SHC4: variants seen among roughly 807,000 people sequenced by gnomAD.
The protein encoded by SHC4 is SHC adaptor protein 4, also known as SHC-transforming protein 4.
A neutral mutation model predicts 69.4 loss-of-function variants in SHC4; 41 were observed. The observed-to-expected ratio is 0.59, with a 90% CI of 0.46 to 0.77. The LOEUF (loss-of-function observed/expected upper bound fraction) is 0.77, where lower values mean the gene tolerates loss of function less well. Among genes scored for constraint, SHC4 ranks in the 30% least tolerant of loss-of-function variants. The pLI is 0.00. For synonymous variants in SHC4, 318 were observed against 299.3 expected, an observed-to-expected ratio of 1.06 and a Z score of -0.64; for missense variants, 777 against 783.8, an observed-to-expected ratio of 0.99 and a Z score of 0.10.
At position 48,918,738 on chromosome 15, in the gene SHC4, T is replaced by C. The variant is rs531367585; in HGVS notation, c.656+6141A>G. On this transcript the variant is annotated intron_variant, in intron 2 of 11. Transcript: ENST00000332408. ...AGTAATTTATTTCCATACAAAACGT[T>C]ATTTGAAACACCAAGGAATTCACCA... Among the ~76,000 whole-genome samples, 7 of 152,350 alleles carry C rather than the reference T, an allele frequency of 4.6e-5. No homozygotes were observed. In the South Asian group the frequency reaches 1.4e-3, roughly 32 times the overall value.
intron 11 of SHC4, among the ~76,000 whole-genome samples, chr15:48,826,737 G>T (rs979810202): frequency 6.6e-6 from 1 of 152,148 alleles, no homozygotes; most frequent in Non-Finnish European, 1.5e-5. Context: ...TCCCAGGATT[G>T]TAATTATCTT....
intron 2 of SHC4, among the ~76,000 whole-genome samples, chr15:48,898,572 T>C (rs933918152): frequency 3.0e-4 from 45 of 152,214 alleles, no homozygotes; most frequent in Admixed American, 2.9e-3. Flanking sequence ...TCAGCAACCA[T>C]AGGAAATGGG....
intron 2 of SHC4, among the ~76,000 whole-genome samples, chr15:48,895,474 C>T (rs1397717742): frequency 6.6e-6 from 1 of 152,094 alleles, no homozygotes; most frequent in Non-Finnish European, 1.5e-5. Flanking sequence ...CGTTAATACC[C>T]GCGTGGCTGG....
chr15:48,924,978 T>G, intron 1 of SHC4, 29 bp from the exon 2 acceptor site: 1 of 1,611,852 alleles, frequency 6.2e-7, no homozygotes, highest in Non-Finnish European at 8.5e-7. Context: ...AAAGAAGAAG[T>G]AGGACAAAAA....
In SHC4 at chr15:48,843,482, A is replaced by T. The variant is rs751053177; in HGVS notation, c.1410T>A (p.Ala470=). The T allele has an allele frequency of 1.2e-6, 2 of 1,614,094 alleles. No individual in the cohort carries two copies. Among genetic ancestry groups the T allele is most frequent in the South Asian group, 2.2e-5 (2 of 91,080 alleles). The change falls in exon 10 of 12, where the codon GCT becomes GCA. Residue 470 remains alanine, a synonymous_variant. Coordinates refer to ENST00000332408, the MANE Select transcript of SHC4 (RefSeq NM_203349.4). ...FDDPCYINTQ[A]LQSTPGSAGN... ...CAGCAGAGCCAGGTGTACTTTGAAG[A>T]GCCTGTGTATTAATGTAGCAGGGGT... is the stretch of plus-strand genomic sequence containing the variant.
intron 3 of SHC4, among the ~76,000 whole-genome samples, 197 bp downstream of exon 3, chr15:48,890,551 C>A (rs1390470105): frequency 6.6e-6 from 1 of 152,164 alleles, no homozygotes; most frequent in Non-Finnish European, 1.5e-5. Context: ...CTGGAGGTAT[C>A]ACCACGTCGG....
intron 1 of SHC4, among the ~76,000 whole-genome samples, chr15:48,949,038 G>T (rs1001943612): frequency 6.6e-6 from 1 of 151,984 alleles, no homozygotes; most frequent in Non-Finnish European, 1.5e-5. Flanking sequence ...TCTTCCACTG[G>T]CATCTCTCCC....
In SHC4 at chr15:48,923,635, C is replaced by CTTT. The variant is rs59906872; in HGVS notation, c.656+1241_656+1243dup. Among the ~76,000 whole-genome samples the CTTT allele has an allele frequency of 7.7e-3, 710 of 92,416 alleles. 26 individuals are homozygous for CTTT. The highest frequency in any genetic ancestry group is 0.023 in the African/African-American group (515 of 22,020). 60.6% of individuals were successfully genotyped at this position (92,416 alleles called of 152,430 possible). A position where few individuals can be genotyped will look rare whatever the true frequency, so the allele number is the denominator to read the frequency against. Reference sequence around the variant, plus strand: ...CTATAGCAGCACAGGACTACTCAGTCTTTTTTTTTTTTTTTTTTTTTTATG... The same window carrying CTTT: ...CTATAGCAGCACAGGACTACTCAGTCTTTTTTTTTTTTTTTTTTTTTTTTTATG... On this transcript the variant is annotated intron_variant, in intron 2 of 11. Transcript: ENST00000332408.
chr15:48,936,849 T>G (rs1027373984), intron 1 of SHC4, among the ~76,000 whole-genome samples: 2 of 152,228 alleles, frequency 1.3e-5, no homozygotes, highest in African/African-American at 4.8e-5. Flanking sequence ...AGCTATGTAC[T>G]GTCTCATTCC....
rs1299262820 is a variant in SHC4 at position 48,962,699 on chromosome 15, T to G, written c.317A>C (p.Asn106Thr). 1 of 1,613,880 alleles carries G rather than the reference T, an allele frequency of 6.2e-7. No individual in the cohort carries two copies. The highest frequency in any genetic ancestry group is 1.3e-5 in the African/African-American group (1 of 74,872). Residue 106 changes from asparagine to threonine, a missense_variant, in exon 1 of 12, where the codon AAC (asparagine) becomes ACC (threonine). Coordinates refer to ENST00000332408, the MANE Select transcript of SHC4 (RefSeq NM_203349.4). ...ANPATLLSLK[N>T]FCLGTKEVPR... ...CACCTCTTTGGTACCCAGGCAAAAGTTTTTCAGACTCAGCAAAGTGGCCGG... is the reference window on the plus strand; with the variant it reads ...CACCTCTTTGGTACCCAGGCAAAAGGTTTTCAGACTCAGCAAAGTGGCCGG...
intron 2 of SHC4, among the ~76,000 whole-genome samples, chr15:48,922,665 G>T (rs1276453031): frequency 6.6e-6 from 1 of 152,196 alleles, no homozygotes; most frequent in Non-Finnish European, 1.5e-5. Context: ...ATACATAAAT[G>T]TTGAGGGGAC....
At chr15:48,853,850 G>A (rs56026819) in intron 8 of SHC4, among the ~76,000 whole-genome samples, 30,693 of 151,900 alleles carry the variant, frequency 0.2, 3,559 homozygotes, top group Non-Finnish European at 0.27. Context: ...ATATATAAAC[G>A]TTAAGACCTC....
intron 1 of SHC4, among the ~76,000 whole-genome samples, chr15:48,952,377 T>A (rs1901379878): frequency 6.6e-6 from 1 of 152,182 alleles, no homozygotes; most frequent in Admixed American, 6.5e-5. Context: ...GTAAATTAGT[T>A]GTTAAAAATC....
chr15:48,865,121 T>A (rs1237867193), intron 6 of SHC4, among the ~76,000 whole-genome samples: 1 of 152,260 alleles, frequency 6.6e-6, no homozygotes, highest in African/African-American at 2.4e-5. Flanking sequence ...GCACATCTTA[T>A]GGATTATGTT....
chr15:48,899,043 A>AG (rs1900270746), intron 2 of SHC4, among the ~76,000 whole-genome samples: 1 of 136,096 alleles, frequency 7.3e-6, no homozygotes, highest in Admixed American at 7.9e-5. Flanking sequence ...AAGCTCATTT[A>AG]GAAAAAAAAA....
intron 1 of SHC4, among the ~76,000 whole-genome samples, chr15:48,943,812 A>G (rs1901221156): frequency 6.6e-6 from 1 of 152,060 alleles, no homozygotes; most frequent in Non-Finnish European, 1.5e-5. Context: ...ATGATATCCC[A>G]TATAGTTTTG....
intron 10 of SHC4, 51 bp from the exon 11 acceptor site, chr15:48,835,073 C>T: frequency 6.5e-7 from 1 of 1,544,898 alleles, no homozygotes; most frequent in African/African-American, 1.4e-5. Flanking sequence ...CTTCATCCAT[C>T]CATTCATTCA....
At chr15:48,932,242 A>G (rs1214753085) in intron 1 of SHC4, among the ~76,000 whole-genome samples, 1 of 152,166 alleles carries the variant, frequency 6.6e-6, no homozygotes. Flanking sequence ...AGAGCTTCCC[A>G]AACTTTAGAG....
chr15:48,890,717 A>G lies in SHC4; in HGVS notation c.720+31T>C, dbSNP rs1360508677. On this transcript the variant is annotated intron_variant, in intron 3 of 11. Transcript: ENST00000332408. ...TACTATCTTTGCCATAATTAGGGAA[A>G]CATAAACAAGAAAACCACATCATCA... 5.0e-6 allele frequency: 8 copies of G among 1,613,232 alleles called. No homozygotes were observed. In the South Asian group the frequency reaches 8.8e-5, roughly 18 times the overall value.
Sources: allele counts gnomAD v4.1 joint callset (sites outside exome capture counted in the v4.1 genomes callset), GRCh38; gene constraint gnomAD v4.1.1; transcripts MANE v1.5; gene names NCBI Gene and HGNC (gene_info 2026-07-23, HGNC 2026-07-21).